The following TRMT11 variants were observed in gnomAD, a reference collection of about 807,000 sequenced individuals.
TRMT11 encodes tRNA methyltransferase 11.
TRMT11 carries 53 observed loss-of-function variants against 62.8 expected under a neutral mutation model. The ratio of observed to expected loss-of-function variants is 0.84; its 90% confidence interval spans 0.68 to 1.06. The LOEUF is 1.06. TRMT11 is among the 50% of genes least tolerant of loss of function. TRMT11 has a pLI of 0.00. For missense variants in TRMT11, 556 were observed against 553.4 expected, an observed-to-expected ratio of 1.00 and a Z score of -0.05; for synonymous variants, 188 against 190.3, an observed-to-expected ratio of 0.99 and a Z score of 0.10.
rs376863986 is a variant in TRMT11 at position 126,006,095 on chromosome 6, A to AG, written c.680-2296dup. Among the ~76,000 whole-genome samples, 612 of 152,068 alleles carry AG rather than the reference A, an allele frequency of 4.0e-3. 3 individuals are homozygous for AG. Among genetic ancestry groups the AG allele is most frequent in the African/African-American group, 0.014 (577 of 41,512 alleles). Reference sequence around the variant, plus strand: ...GGAGAGTGAGATAATGGATCTCTGTAGTTTATATAATATTCTCTTTCGCAT... The same window carrying AG: ...GGAGAGTGAGATAATGGATCTCTGTAGGTTTATATAATATTCTCTTTCGCAT... On this transcript the variant is annotated intron_variant, in intron 7 of 12. Coordinates refer to ENST00000334379, the MANE Select transcript of TRMT11 (RefSeq NM_001031712.3).
the TRMT11 span, among the ~76,000 whole-genome samples, chr6:126,240,850 G>T: frequency 6.6e-6 from 1 of 152,194 alleles, no homozygotes; most frequent in Non-Finnish European, 1.5e-5. Flanking sequence ...GCCGCGGTGG[G>T]CTCCACCCAG....
At chr6:125,996,446 G>A (rs549788046) in intron 3 of TRMT11, among the ~76,000 whole-genome samples, 1 of 152,290 alleles carries the variant, frequency 6.6e-6, no homozygotes, top group South Asian at 2.1e-4. Flanking sequence ...GAGGACTGCC[G>A]TGAGACATGT....
intron 7 of TRMT11, among the ~76,000 whole-genome samples, chr6:126,002,917 G>A (rs1052821040): frequency 6.6e-6 from 1 of 152,026 alleles, no homozygotes; most frequent in East Asian, 1.9e-4. Flanking sequence ...GTATCATACT[G>A]TGTGTGTTGG....
intron 17 of TRMT11, among the ~76,000 whole-genome samples, chr6:126,109,524 GTCCAGCTATTGGTGATGTTAACAGATT>G (rs1279166050): frequency 6.6e-6 from 1 of 152,152 alleles, no homozygotes; most frequent in Admixed American, 6.6e-5. Flanking sequence ...ATGCTAATTT[GTCCAGCTATTGGTGATGTTAACAGATT>G]GCTCTAATGT....
At chr6:126,146,561 A>C (rs1484427760) in intron 21 of TRMT11, among the ~76,000 whole-genome samples, 2 of 150,838 alleles carry the variant, frequency 1.3e-5, no homozygotes, top group African/African-American at 4.9e-5. Flanking sequence ...CTTCTTGCCC[A>C]GGTTGCAGTG....
intron 17 of TRMT11, among the ~76,000 whole-genome samples, chr6:126,064,118 G>T (rs1035826950): frequency 3.9e-5 from 6 of 152,074 alleles, no homozygotes; most frequent in Admixed American, 3.9e-4. Context: ...GAGAATGGTG[G>T]GTCGTGAGCA....
At chr6:126,116,655 G>C (rs985674921) in intron 21 of TRMT11, among the ~76,000 whole-genome samples, 2 of 152,098 alleles carry the variant, frequency 1.3e-5, no homozygotes, top group Non-Finnish European at 2.9e-5. Flanking sequence ...CATTAAGACA[G>C]CCATTTAGGA....
chr6:126,190,804 T>C (rs1778589829), intron 1 of TRMT11, among the ~76,000 whole-genome samples: 1 of 152,206 alleles, frequency 6.6e-6, no homozygotes, highest in African/African-American at 2.4e-5. Flanking sequence ...TAATATCCTA[T>C]TGTGTCTACA....
intron 16 of TRMT11, among the ~76,000 whole-genome samples, chr6:126,049,386 G>A (rs1177476355): frequency 1.3e-5 from 2 of 152,108 alleles, no homozygotes; most frequent in Non-Finnish European, 1.5e-5. Context: ...GTTGAAGCAG[G>A]CAAATAAATA....
the TRMT11 span, among the ~76,000 whole-genome samples, chr6:126,244,509 G>A: frequency 6.6e-6 from 1 of 152,068 alleles, no homozygotes; most frequent in Non-Finnish European, 1.5e-5. Context: ...AGACCTAAAG[G>A]GCAACTATTA....
chr6:126,241,672 A>G, the TRMT11 span, among the ~76,000 whole-genome samples: 1 of 152,248 alleles, frequency 6.6e-6, no homozygotes, highest in Non-Finnish European at 1.5e-5. Flanking sequence ...TCCAGCATAT[A>G]AACAGAACTA....
At chr6:126,196,373 T>G (rs1168604214) in intron 1 of TRMT11, among the ~76,000 whole-genome samples, 1 of 152,130 alleles carries the variant, frequency 6.6e-6, no homozygotes, top group African/African-American at 2.4e-5. Flanking sequence ...TTCACTAAGG[T>G]TTATCACCTA....
At chr6:126,223,293 C>T in the TRMT11 span, among the ~76,000 whole-genome samples, 205 of 152,024 alleles carry the variant, frequency 1.3e-3, 5 homozygotes, top group Middle Eastern at 3.4e-3. Context: ...TGGTGGTGGG[C>T]GCCTGTAGTC....
At chr6:126,228,820 G>C in the TRMT11 span, among the ~76,000 whole-genome samples, 1 of 152,190 alleles carries the variant, frequency 6.6e-6, no homozygotes, top group Admixed American at 6.5e-5. Context: ...GACAGTTAAA[G>C]GGATTGCATA....
chr6:126,212,859 TCCTGGAG>T, the TRMT11 span, among the ~76,000 whole-genome samples: 1 of 152,130 alleles, frequency 6.6e-6, no homozygotes, highest in Non-Finnish European at 1.5e-5. Flanking sequence ...TAGTCCAATG[TCCTGGAG>T]CCTTTTCCCA....
chr6:126,215,112 G>A, the TRMT11 span, among the ~76,000 whole-genome samples: 1 of 151,626 alleles, frequency 6.6e-6, no homozygotes, highest in African/African-American at 2.4e-5. Context: ...TCCACACATA[G>A]TCTATTCTTG....
chr6:126,271,363 C>CAAAAAAAAA, the TRMT11 span, among the ~76,000 whole-genome samples: 17 of 36,262 alleles, frequency 4.7e-4, no homozygotes, highest in African/African-American at 8.3e-4. Context: ...GACTCCATCT[C>CAAAAAAAAA]AAAAAAAAAA....
chr6:126,269,922 AAG>A, the TRMT11 span, among the ~76,000 whole-genome samples: 2 of 152,218 alleles, frequency 1.3e-5, no homozygotes, highest in African/African-American at 4.8e-5. Flanking sequence ...GGCTACCTGT[AAG>A]AGAGGGAGTG....
chr6:126,253,800 T>C, the TRMT11 span, among the ~76,000 whole-genome samples: 1 of 152,204 alleles, frequency 6.6e-6, no homozygotes, highest in African/African-American at 2.4e-5. Context: ...CTGTGAACTC[T>C]CTCAGGGAAG....
Sources: allele counts gnomAD v4.1 joint callset (sites outside exome capture counted in the v4.1 genomes callset), GRCh38; gene constraint gnomAD v4.1.1; transcripts MANE v1.5; gene names NCBI Gene and HGNC (gene_info 2026-07-23, HGNC 2026-07-21).